The following DOCK9 variants were observed in gnomAD, a reference collection of about 807,000 sequenced individuals.
The protein encoded by DOCK9 is dedicator of cytokinesis 9.
DOCK9 carries 89 observed loss-of-function variants against 263.3 expected under a neutral mutation model. The ratio of observed to expected loss-of-function variants is 0.34; its 90% confidence interval spans 0.28 to 0.40. The LOEUF is 0.40. Ranked by LOEUF, DOCK9 falls within the 10% of genes least tolerant of loss-of-function variation. The pLI, the probability that DOCK9 is intolerant of heterozygous loss-of-function variation, is 1.00. For missense variants in DOCK9, 2,140 were observed against 2,603.4 expected (o/e 0.82, Z 3.87); for synonymous variants, 976 against 973.1 (o/e 1.00, Z -0.06).
intron 1 of DOCK9, among the ~76,000 whole-genome samples, chr13:99,023,570 G>A (rs11617491): frequency 0.22 from 33,616 of 152,096 alleles, 3,707 homozygotes; most frequent in Middle Eastern, 0.3. Context: ...TGGCTGCACA[G>A]CAATGTGAAT....
intron 1 of DOCK9, among the ~76,000 whole-genome samples, chr13:99,025,967 G>A (rs1886653391): frequency 6.6e-6 from 1 of 151,098 alleles, no homozygotes; most frequent in Admixed American, 6.7e-5. Flanking sequence ...CCACTGCTAT[G>A]AAATGTCCAG....
Position 98,999,316 on chromosome 13 carries a change from A to ACACACACACACACTCTCTCT in DOCK9, c.130-43766_130-43765insAGAGAGAGTGTGTGTGTGTG. ...CACACACACACACACACACACACAC[A>ACACACACACACACTCTCTCT]CTCTCTCTCTCTCTCTCTCTGGAAG... On this transcript the variant is annotated intron_variant, in intron 1 of 32. Coordinates refer to the DOCK9 transcript ENST00000427887. Among the ~76,000 whole-genome samples, 592 of 138,340 alleles carry ACACACACACACACTCTCTCT rather than the reference A, an allele frequency of 4.3e-3. 1 individual carries two copies. Among genetic ancestry groups the ACACACACACACACTCTCTCT allele is most frequent in the East Asian group, 7.8e-3 (38 of 4,872 alleles). 90.8% of individuals were successfully genotyped at this position (138,340 alleles called of 152,430 possible).
At chr13:98,812,127 ATTTTTTTTT>A (rs56880707) in intron 45 of DOCK9, among the ~76,000 whole-genome samples, 3 of 77,648 alleles carry the variant, frequency 3.9e-5, no homozygotes, top group African/African-American at 5.2e-5. Context: ...AAACCACAGG[ATTTTTTTTT>A]TTTTTTTTTT....
At chr13:98,998,835 C>T (rs1881640340) in intron 1 of DOCK9, among the ~76,000 whole-genome samples, 1 of 152,180 alleles carries the variant, frequency 6.6e-6, no homozygotes, top group Admixed American at 6.5e-5. Context: ...CCCTGTGGGT[C>T]TGAGCAACCA....
At chr13:99,039,951 C>T (rs543583010) in intron 1 of DOCK9, among the ~76,000 whole-genome samples, 1 of 152,316 alleles carries the variant, frequency 6.6e-6, no homozygotes, top group South Asian at 2.1e-4. Flanking sequence ...GGGACAGTAA[C>T]AGTACCTACC....
chr13:98,848,471 C>G (rs1477969212), intron 37 of DOCK9, 121 bp downstream of exon 37: 17 of 980,368 alleles, frequency 1.7e-5, no homozygotes, highest in African/African-American at 3.3e-5. Flanking sequence ...GGCCTGCCAT[C>G]AGTCCCCATG....
At chr13:98,843,770 A>G (rs184936737) in intron 38 of DOCK9, among the ~76,000 whole-genome samples, 161 of 152,312 alleles carry the variant, frequency 1.1e-3, no homozygotes, top group African/African-American at 3.6e-3. Flanking sequence ...GGCTTTTGGC[A>G]GCAGCAGCAG....
At chr13:98,856,073 G>A in intron 33 of DOCK9, 42 bp from the exon 34 acceptor site, 1 of 1,603,108 alleles carries the variant, frequency 6.2e-7, no homozygotes, top group South Asian at 1.1e-5. Context: ...TATTAAGACA[G>A]AACAAAATAA....
At chr13:98,838,791 C>T (rs1196962916) in intron 38 of DOCK9, among the ~76,000 whole-genome samples, 3 of 152,124 alleles carry the variant, frequency 2.0e-5, no homozygotes, top group Non-Finnish European at 2.9e-5. Flanking sequence ...ATTAAAGCGA[C>T]GCCTCATTAC....
At chr13:98,845,883 T>C (rs764554308) in intron 38 of DOCK9, 41 bp downstream of exon 38, 2 of 1,606,662 alleles carry the variant, frequency 1.2e-6, no homozygotes, top group East Asian at 2.2e-5. Flanking sequence ...AGATGGCACA[T>C]GAGATGGCTG....
At chr13:98,931,855 C>T (rs117774524) in intron 2 of DOCK9, among the ~76,000 whole-genome samples, 5,056 of 151,110 alleles carry the variant, frequency 0.033, 135 homozygotes, top group Middle Eastern at 0.092. Flanking sequence ...GCCTCACACT[C>T]CCAAAGCACT....
intron 2 of DOCK9, chr13:98,949,902 C>G: frequency 2.1e-6 from 1 of 474,276 alleles, no homozygotes; most frequent in Non-Finnish European, 4.1e-6. Context: ...GTCTCCCAGG[C>G]AAATGACACC....
chr13:98,797,518 C>T (rs2089576035), intron 50 of DOCK9, 29 bp from the exon 51 acceptor site: 1 of 1,567,752 alleles, frequency 6.4e-7, no homozygotes, highest in Admixed American at 1.8e-5. Context: ...TTTTCAGTTC[C>T]ACTAGGAAGA....
At chr13:98,927,150 C>T (rs1465769907) in intron 3 of DOCK9, among the ~76,000 whole-genome samples, 1 of 152,186 alleles carries the variant, frequency 6.6e-6, no homozygotes, top group African/African-American at 2.4e-5. Context: ...AAGGGCTAAG[C>T]GCAAAGTCAG....
At chr13:99,038,574 T>C (rs1888169251) in intron 1 of DOCK9, among the ~76,000 whole-genome samples, 1 of 152,022 alleles carries the variant, frequency 6.6e-6, no homozygotes, top group Admixed American at 6.6e-5. Context: ...CCAAAGTGCT[T>C]GGATTATAGG....
At chr13:98,910,373 G>A (rs2049812920) in intron 9 of DOCK9, among the ~76,000 whole-genome samples, 1 of 152,120 alleles carries the variant, frequency 6.6e-6, no homozygotes, top group South Asian at 2.1e-4. Flanking sequence ...ACAATAGGAG[G>A]AAAAGAACCA....
chr13:99,088,263 G>A (rs563716835), upstream of DOCK9: 1 of 152,378 alleles, frequency 6.6e-6, no homozygotes, highest in East Asian at 1.9e-4. Flanking sequence ...GTGAAATGAG[G>A]GAATGGCCCA....
chr13:98,795,524 T>G (rs1429626638), intron 52 of DOCK9, among the ~76,000 whole-genome samples: 1 of 152,198 alleles, frequency 6.6e-6, no homozygotes, highest in Non-Finnish European at 1.5e-5. Context: ...TGACAGCAAG[T>G]GCATTAAATA....
At chr13:99,081,834 T>C (rs980356982) in intron 1 of DOCK9, among the ~76,000 whole-genome samples, 13 of 152,236 alleles carry the variant, frequency 8.5e-5, no homozygotes, top group East Asian at 1.9e-4. Context: ...TTCTAAATTA[T>C]GGAAAGCTAA....
Sources: gnomAD v4.1 joint callset for allele counts (sites outside exome capture counted in the v4.1 genomes callset) on GRCh38, gnomAD v4.1.1 for gene constraint, MANE v1.5 for transcripts, NCBI Gene and HGNC (gene_info 2026-07-23, HGNC 2026-07-21) for gene names.